ERBB4: variants seen among roughly 807,000 people sequenced by gnomAD.
The protein encoded by ERBB4 is receptor tyrosine-protein kinase erbB-4.
ERBB4 carries 42 observed loss-of-function variants against 158.0 expected under a neutral mutation model. The ratio of observed to expected loss-of-function variants is 0.27; its 90% CI spans 0.21 to 0.34. ERBB4 has a LOEUF of 0.34. ERBB4 is among the 10% of genes least tolerant of loss of function. The pLI is 1.00. For missense variants in ERBB4, 1,333 were observed against 1,624.1 expected (o/e 0.82, Z 3.08); for synonymous variants, 583 against 558.7 (o/e 1.04, Z -0.61).
intron 1 of ERBB4, among the ~76,000 whole-genome samples, chr2:212,152,159 A>G (rs186034900): frequency 6.6e-6 from 1 of 151,998 alleles, no homozygotes; most frequent in Non-Finnish European, 1.5e-5. Context: ...TTTATAAAAC[A>G]TAGTTAAGAG....
intron 1 of ERBB4, among the ~76,000 whole-genome samples, chr2:212,273,320 T>C (rs2085410241): frequency 6.6e-6 from 1 of 151,830 alleles, no homozygotes; most frequent in African/African-American, 2.4e-5. Flanking sequence ...GCCCAATTCA[T>C]TGATAAATAG....
At chr2:211,875,050 A>AAAAAAACAAAAAAAAC (rs66500425) in intron 3 of ERBB4, among the ~76,000 whole-genome samples, 1 of 75,872 alleles carries the variant, frequency 1.3e-5, no homozygotes, top group African/African-American at 5.4e-5. Flanking sequence ...AAAAAAAAAA[A>AAAAAAACAAAAAAAAC]CAAACTCAAA....
intron 19 of ERBB4, among the ~76,000 whole-genome samples, chr2:211,593,488 T>A (rs916283999): frequency 6.6e-6 from 1 of 152,156 alleles, no homozygotes; most frequent in Non-Finnish European, 1.5e-5. Flanking sequence ...TGAGCTCAAG[T>A]TGTATCTCTT....
intron 1 of ERBB4, among the ~76,000 whole-genome samples, chr2:212,198,944 C>A (rs2105897543): frequency 6.6e-6 from 1 of 152,120 alleles, no homozygotes; most frequent in Non-Finnish European, 1.5e-5. Flanking sequence ...CAGCTTTTGA[C>A]TATTATGAAC....
Position 211,870,934 on chromosome 2 carries a change from G to A in ERBB4, c.421+76496C>T, listed in dbSNP as rs142357966. 2.6e-3 allele frequency among the ~76,000 whole-genome samples: 401 copies of A among 152,120 alleles called. 4 individuals are homozygous for A. Among genetic ancestry groups the A allele is most frequent in the African/African-American group, 9.0e-3 (372 of 41,508 alleles). On this transcript the variant is annotated intron_variant, in intron 3 of 27. Transcript: ENST00000342788. ...CAATCAATTACTAAGTTTCTATCAC[G>A]CAGAAAATGTGGCACAAGGCCCTGG...
chr2:211,462,728 G>T (rs1429155734), intron 20 of ERBB4, among the ~76,000 whole-genome samples: 1 of 152,050 alleles, frequency 6.6e-6, no homozygotes, highest in Non-Finnish European at 1.5e-5. Flanking sequence ...TTTTCTAAAA[G>T]TCAGTATTTT....
intron 1 of ERBB4, among the ~76,000 whole-genome samples, chr2:212,265,644 A>G (rs1017958993): frequency 6.6e-6 from 1 of 152,032 alleles, no homozygotes; most frequent in Non-Finnish European, 1.5e-5. Flanking sequence ...CAATATACAG[A>G]TCCCAAAACT....
chr2:212,191,592 AAC>A (rs1190255982), intron 1 of ERBB4, among the ~76,000 whole-genome samples: 1 of 86,888 alleles, frequency 1.2e-5, no homozygotes, highest in African/African-American at 4.2e-5. Context: ...TGTTATATAT[AAC>A]ACATGTGTTA....
intron 1 of ERBB4, among the ~76,000 whole-genome samples, chr2:212,479,796 T>C (rs866959520): frequency 1.1e-4 from 16 of 152,244 alleles, no homozygotes; most frequent in African/African-American, 3.4e-4. Flanking sequence ...GCTCTAAAAC[T>C]GGCAAGAGAC....
intron 1 of ERBB4, among the ~76,000 whole-genome samples, chr2:212,341,480 T>C (rs2088709767): frequency 6.6e-6 from 1 of 152,180 alleles, no homozygotes; most frequent in Non-Finnish European, 1.5e-5. Context: ...AGATTGGTTA[T>C]GTTCCAGGAA....
chr2:211,966,837 C>T (rs1415427987), intron 2 of ERBB4, among the ~76,000 whole-genome samples: 1 of 152,024 alleles, frequency 6.6e-6, no homozygotes, highest in Non-Finnish European at 1.5e-5. Context: ...AATGAATGCC[C>T]ATGGAGATAA....
chr2:211,486,906 G>A (rs2065217921), intron 20 of ERBB4, among the ~76,000 whole-genome samples: 1 of 152,116 alleles, frequency 6.6e-6, no homozygotes, highest in African/African-American at 2.4e-5. Flanking sequence ...ATTTGGTACA[G>A]AGTGTCTTTG....
chr2:212,355,928 T>A (rs1307106173), intron 1 of ERBB4, among the ~76,000 whole-genome samples: 2 of 152,020 alleles, frequency 1.3e-5, no homozygotes, highest in Non-Finnish European at 2.9e-5. Flanking sequence ...GTTAGTCATG[T>A]CATTTGTAAG....
chr2:212,202,000 T>G (rs755864283), intron 1 of ERBB4, among the ~76,000 whole-genome samples: 1 of 152,218 alleles, frequency 6.6e-6, no homozygotes, highest in African/African-American at 2.4e-5. Context: ...GAGAAGGACT[T>G]TGCCTTATTC....
intron 1 of ERBB4, among the ~76,000 whole-genome samples, chr2:212,453,032 T>G (rs1457015667): frequency 6.6e-6 from 1 of 152,192 alleles, no homozygotes. Flanking sequence ...ACTCTTGCTC[T>G]GACATTTTAA....
At chr2:211,613,675 T>A (rs1453360417) in intron 19 of ERBB4, among the ~76,000 whole-genome samples, 1 of 151,998 alleles carries the variant, frequency 6.6e-6, no homozygotes, top group African/African-American at 2.4e-5. Context: ...GTGCTCAATA[T>A]CACTGATCAT....
chr2:212,104,108 A>AT (rs1290422196), intron 2 of ERBB4, among the ~76,000 whole-genome samples: 1 of 152,022 alleles, frequency 6.6e-6, no homozygotes, highest in Non-Finnish European at 1.5e-5. Context: ...AGATTTGTGG[A>AT]TTTTTTTAGC....
At chr2:211,768,274 C>T (rs999971952) in intron 4 of ERBB4, among the ~76,000 whole-genome samples, 5 of 152,174 alleles carry the variant, frequency 3.3e-5, no homozygotes, top group Non-Finnish European at 2.9e-5. Flanking sequence ...TACAGCCTTC[C>T]TCCTGGCTGC....
In ERBB4 at chr2:212,253,689, A is replaced by G. The variant is rs114785506; in HGVS notation, c.83-128786T>C. On this transcript the variant is annotated intron_variant, in intron 1 of 27. Coordinates refer to ENST00000342788, the MANE Select transcript of ERBB4 (RefSeq NM_005235.3). Reference sequence around the variant, plus strand: ...GGCATTTGTGCAGAGGTTGAGATAAATTAATCATTTCATGCCTAATTTTTG... The same window carrying G: ...GGCATTTGTGCAGAGGTTGAGATAAGTTAATCATTTCATGCCTAATTTTTG... Among the ~76,000 whole-genome samples, 930 of 152,318 alleles carry G rather than the reference A, an allele frequency of 6.1e-3. 12 individuals carry two copies. The highest frequency in any genetic ancestry group is 0.021 in the African/African-American group (891 of 41,554).
Sources: allele counts gnomAD v4.1 joint callset (sites outside exome capture counted in the v4.1 genomes callset), GRCh38; gene constraint gnomAD v4.1.1; transcripts MANE v1.5; gene names NCBI Gene and HGNC (gene_info 2026-07-23, HGNC 2026-07-21).